The following BBX variants were observed in gnomAD, a reference collection of about 807,000 sequenced individuals.
BBX encodes the protein HMG box transcription factor BBX.
Under a neutral mutation model 100.2 loss-of-function variants are expected in BBX, and 30 were observed. The ratio of observed to expected loss-of-function variants is 0.30; its 90% CI spans 0.22 to 0.41. The LOEUF is 0.41. Among genes scored for constraint, BBX ranks in the 10% least tolerant of loss-of-function variants. The pLI, the probability that BBX is intolerant of heterozygous loss-of-function variation, is 1.00. For synonymous variants in BBX, 376 were observed against 388.1 expected (o/e 0.97, Z 0.37); for missense variants, 1,023 against 1,129.8 (o/e 0.91, Z 1.35).
At chr3:107,688,452 T>C (rs1200645632) in intron 3 of BBX, among the ~76,000 whole-genome samples, 1 of 152,212 alleles carries the variant, frequency 6.6e-6, no homozygotes, top group African/African-American at 2.4e-5. Context: ...CTTGACCGTG[T>C]CTTTGGCAGT....
chr3:107,628,056 CAT>C (rs1326395401), intron 2 of BBX, among the ~76,000 whole-genome samples: 3 of 151,934 alleles, frequency 2.0e-5, no homozygotes, highest in Non-Finnish European at 4.4e-5. Context: ...CTTCTTTAAA[CAT>C]AGGAATAAAA....
At chr3:107,550,509 G>A (rs2049582036) in intron 2 of BBX, among the ~76,000 whole-genome samples, 1 of 152,096 alleles carries the variant, frequency 6.6e-6, no homozygotes, top group African/African-American at 2.4e-5. Flanking sequence ...TTTTTTAGAT[G>A]AATAAATGAG....
chr3:107,702,436 G>T (rs902098782), intron 3 of BBX, among the ~76,000 whole-genome samples: 1 of 152,080 alleles, frequency 6.6e-6, no homozygotes, highest in Non-Finnish European at 1.5e-5. Context: ...CTTCTTCTCT[G>T]CATATTTCAA....
intron 15 of BBX, among the ~76,000 whole-genome samples, chr3:107,792,755 T>C (rs1455222955): frequency 6.6e-6 from 1 of 152,218 alleles, no homozygotes; most frequent in East Asian, 1.9e-4. Context: ...ATATTCCATA[T>C]AGTTTTTTTA....
In BBX at chr3:107,716,705, T is replaced by G; in HGVS notation, c.261T>G (p.Phe87Leu). ...EQRARRPMNAFLLFCKRHRSL... is the reference protein window; with the variant it reads ...EQRARRPMNALLLFCKRHRSL... ...GAGCCCGGAGACCAATGAATGCATTTCTTTTATTTTGCAAACGCCATCGCT... is the reference window on the plus strand; with the variant it reads ...GAGCCCGGAGACCAATGAATGCATTGCTTTTATTTTGCAAACGCCATCGCT... The change falls in exon 5 of 18, where the codon TTT becomes TTG. Residue 87 changes from phenylalanine to leucine, a missense_variant. This residue lies in a region of BBX where 229 missense variants were observed against 226.3 expected (regional missense o/e 1.01). Transcript: ENST00000325805. 1 of 1,613,834 alleles carries G rather than the reference T, an allele frequency of 6.2e-7. No individual in the cohort carries two copies. Among genetic ancestry groups the G allele is most frequent in the Non-Finnish European group, 8.5e-7 (1 of 1,179,832 alleles).
intron 2 of BBX, among the ~76,000 whole-genome samples, chr3:107,556,152 T>C (rs1308577094): frequency 6.6e-6 from 1 of 152,106 alleles, no homozygotes; most frequent in African/African-American, 2.4e-5. Context: ...GGCTCTGATA[T>C]TATATCACTC....
chr3:107,613,246 G>C (rs1559873834), intron 2 of BBX, among the ~76,000 whole-genome samples: 1 of 149,660 alleles, frequency 6.7e-6, no homozygotes, highest in Non-Finnish European at 1.5e-5. Flanking sequence ...GGAGTGCAGT[G>C]GCGCATCTCG....
chr3:107,652,590 A>G (rs372958771), intron 3 of BBX, among the ~76,000 whole-genome samples: 6 of 152,214 alleles, frequency 3.9e-5, no homozygotes, highest in East Asian at 3.8e-4. Flanking sequence ...ATGATTGTGA[A>G]ATTCACTAGT....
chr3:107,706,265 C>T (rs1449658196), intron 3 of BBX, among the ~76,000 whole-genome samples: 3 of 152,136 alleles, frequency 2.0e-5, no homozygotes, highest in Non-Finnish European at 4.4e-5. Flanking sequence ...TCGTGATCCA[C>T]CCGCCTTGGC....
chr3:107,650,448 TA>T (rs965284544), intron 3 of BBX, among the ~76,000 whole-genome samples: 12 of 147,754 alleles, frequency 8.1e-5, no homozygotes, highest in South Asian at 2.2e-4. Context: ...TCCCTGGTGC[TA>T]AAAAAAAAAC....
intron 3 of BBX, among the ~76,000 whole-genome samples, chr3:107,656,408 A>C (rs772154790): frequency 6.6e-6 from 1 of 152,130 alleles, no homozygotes; most frequent in Non-Finnish European, 1.5e-5. Flanking sequence ...GCTGCTTCTT[A>C]TTTAGTGTGT....
chr3:107,592,428 T>A (rs879608467), intron 2 of BBX, among the ~76,000 whole-genome samples: 2 of 151,482 alleles, frequency 1.3e-5, no homozygotes, highest in African/African-American at 4.9e-5. Context: ...TTACTGATTT[T>A]AAAAAAATCT....
At chr3:107,569,907 A>G (rs558423814) in intron 2 of BBX, among the ~76,000 whole-genome samples, 22 of 152,322 alleles carry the variant, frequency 1.4e-4, no homozygotes, top group East Asian at 5.8e-4. Context: ...GTCTTCAGCT[A>G]TTAAGCTGAG....
chr3:107,655,695 A>G (rs112360403), intron 3 of BBX, among the ~76,000 whole-genome samples: 1 of 149,530 alleles, frequency 6.7e-6, no homozygotes, highest in African/African-American at 2.5e-5. Context: ...GTTTCTTTAA[A>G]TTTATTTTAT....
chr3:107,566,323 C>T (rs77599876), intron 2 of BBX, among the ~76,000 whole-genome samples: 1 of 151,534 alleles, frequency 6.6e-6, no homozygotes, highest in African/African-American at 2.4e-5. Flanking sequence ...TCAACCTGAT[C>T]TTACTCTTTT....
intron 3 of BBX, among the ~76,000 whole-genome samples, chr3:107,706,537 T>G (rs1286349352): frequency 6.6e-6 from 1 of 152,088 alleles, no homozygotes; most frequent in East Asian, 1.9e-4. Flanking sequence ...GCAGCATAAT[T>G]TGATGATGTT....
intron 13 of BBX, among the ~76,000 whole-genome samples, chr3:107,782,922 A>T (rs2068051960): frequency 1.3e-5 from 2 of 151,934 alleles, no homozygotes; most frequent in Admixed American, 6.6e-5. Flanking sequence ...GAGATATCAT[A>T]GTAGAGTGAA....
chr3:107,627,787 A>G (rs548131183), intron 2 of BBX, among the ~76,000 whole-genome samples: 3 of 152,110 alleles, frequency 2.0e-5, no homozygotes, highest in Admixed American at 2.0e-4. Flanking sequence ...TAAAATAGTT[A>G]TTTTTATATG....
intron 3 of BBX, among the ~76,000 whole-genome samples, chr3:107,705,258 G>A (rs571748361): frequency 8.5e-5 from 13 of 152,280 alleles, no homozygotes; most frequent in Admixed American, 3.3e-4. Flanking sequence ...TCTAGCAGTG[G>A]TATTTAATGG....
Sources: gnomAD v4.1 joint callset for allele counts (sites outside exome capture counted in the v4.1 genomes callset) on GRCh38, gnomAD v4.1.1 for gene constraint, gnomAD v4.1.1 regional missense constraint, MANE v1.5 for transcripts, NCBI Gene and HGNC (gene_info 2026-07-23, HGNC 2026-07-21) for gene names.